The following SHISA6 variants were observed in gnomAD, a reference collection of about 807,000 sequenced individuals.
SHISA6 encodes protein shisa-6.
Under a neutral mutation model 47.9 loss-of-function variants are expected in SHISA6, and 22 were observed. That is an observed-to-expected ratio of 0.46 (90% confidence interval 0.33 to 0.66). The LOEUF is 0.66. Ranked by LOEUF, SHISA6 falls within the 30% of genes least tolerant of loss-of-function variation. The pLI, the probability that SHISA6 is intolerant of heterozygous loss-of-function variation, is 0.02. For synonymous variants in SHISA6, 388 were observed against 337.8 expected, an observed-to-expected ratio of 1.15 and a Z score of -1.63; for missense variants, 680 against 764.6, an observed-to-expected ratio of 0.89 and a Z score of 1.30.
At chr17:11,367,857 C>T (rs1444580775) in intron 2 of SHISA6, among the ~76,000 whole-genome samples, 4 of 152,114 alleles carry the variant, frequency 2.6e-5, no homozygotes, top group Admixed American at 2.6e-4. Context: ...AATAGTTTAG[C>T]CCCTCAAATT....
intron 3 of SHISA6, among the ~76,000 whole-genome samples, chr17:11,460,210 CAT>C (rs1915657699): frequency 6.6e-6 from 1 of 152,166 alleles, no homozygotes; most frequent in African/African-American, 2.4e-5. Context: ...TGAACTGCCA[CAT>C]GAGGGATTTT....
chr17:11,257,439 T>C (rs1393141166), intron 1 of SHISA6, among the ~76,000 whole-genome samples: 2 of 152,102 alleles, frequency 1.3e-5, no homozygotes, highest in Admixed American at 1.3e-4. Context: ...GGGAGGCAGA[T>C]TGCCTGAGTT....
chr17:11,463,298 C>T (rs146350042), intron 3 of SHISA6, among the ~76,000 whole-genome samples: 50 of 152,276 alleles, frequency 3.3e-4, no homozygotes, highest in East Asian at 3.3e-3. Flanking sequence ...ATATAGCCAG[C>T]GCTCAATAAA....
chr17:11,423,928 A>G (rs1597506231), intron 3 of SHISA6, among the ~76,000 whole-genome samples: 1 of 152,254 alleles, frequency 6.6e-6, no homozygotes, highest in East Asian at 1.9e-4. Context: ...CCCAAAGGAT[A>G]GATTAAGGAA....
intron 2 of SHISA6, among the ~76,000 whole-genome samples, chr17:11,311,495 C>T (rs969033260): frequency 2.6e-5 from 4 of 152,080 alleles, no homozygotes; most frequent in African/African-American, 4.8e-5. Context: ...AATACTAGTC[C>T]AATGAATTGG....
At chr17:11,257,326 G>A (rs1466759848) in intron 1 of SHISA6, among the ~76,000 whole-genome samples, 2 of 152,150 alleles carry the variant, frequency 1.3e-5, no homozygotes, top group Admixed American at 1.3e-4. Context: ...GTGAGATGAG[G>A]TTAAAGAGGA....
At chr17:11,367,184 A>T (rs141961946) in intron 2 of SHISA6, among the ~76,000 whole-genome samples, 66 of 152,304 alleles carry the variant, frequency 4.3e-4, no homozygotes, top group Middle Eastern at 6.8e-3. Context: ...AGAATAGAAC[A>T]TGTAAAGTCA....
chr17:11,454,894 G>T, intron 3 of SHISA6, among the ~76,000 whole-genome samples: 1 of 152,136 alleles, frequency 6.6e-6, no homozygotes, highest in East Asian at 1.9e-4. Flanking sequence ...AATGGGCTGG[G>T]CACGGTAGCT....
At chr17:11,549,848 C>T (rs1210105195) in intron 3 of SHISA6, among the ~76,000 whole-genome samples, 1 of 152,196 alleles carries the variant, frequency 6.6e-6, no homozygotes. Flanking sequence ...CTTCTTGCCT[C>T]TGGAGGACAA....
intron 3 of SHISA6, among the ~76,000 whole-genome samples, chr17:11,539,445 T>C (rs1408253979): frequency 6.6e-6 from 1 of 152,218 alleles, no homozygotes; most frequent in Non-Finnish European, 1.5e-5. Context: ...AACACACACA[T>C]AACCAAACAC....
At chr17:11,362,176 G>A (rs1912311831) in intron 2 of SHISA6, among the ~76,000 whole-genome samples, 1 of 152,054 alleles carries the variant, frequency 6.6e-6, no homozygotes. Context: ...GTCTCACTCT[G>A]TCACCCAGGC....
At chr17:11,449,443 T>C (rs952813866) in intron 3 of SHISA6, among the ~76,000 whole-genome samples, 2 of 151,000 alleles carry the variant, frequency 1.3e-5, no homozygotes, top group Admixed American at 6.6e-5. Flanking sequence ...ACTCCATCTC[T>C]ATTAAAAAAA....
rs145654248 is a variant in SHISA6, at chr17:11,334,359, C to T, written c.800-45055C>T. On this transcript the variant is annotated intron_variant, in intron 2 of 5. Transcript: ENST00000441885. Reference sequence around the variant, plus strand: ...AAATTCACCCAGTTGGTGTCAGAAGCGTTGTGAGTAAAAACAGCTTTTTGA... The same window carrying T: ...AAATTCACCCAGTTGGTGTCAGAAGTGTTGTGAGTAAAAACAGCTTTTTGA... 5.9e-5 allele frequency among the ~76,000 whole-genome samples: 9 copies of T among 152,260 alleles called. 1 individual carries two copies. The East Asian group carries it at 1.7e-3, about 29-fold the overall frequency.
At chr17:11,343,099 G>A (rs1911592172) in intron 2 of SHISA6, among the ~76,000 whole-genome samples, 2 of 152,178 alleles carry the variant, frequency 1.3e-5, no homozygotes, top group Non-Finnish European at 2.9e-5. Flanking sequence ...TCTCATTCCA[G>A]TTCCTTCTTT....
At chr17:11,454,539 T>C (rs1208888724) in intron 3 of SHISA6, among the ~76,000 whole-genome samples, 1 of 152,176 alleles carries the variant, frequency 6.6e-6, no homozygotes, top group African/African-American at 2.4e-5. Flanking sequence ...TTCCTCTTCA[T>C]TGTCCTGCAC....
At chr17:11,426,244 C>T (rs1328268394) in intron 3 of SHISA6, among the ~76,000 whole-genome samples, 1 of 152,170 alleles carries the variant, frequency 6.6e-6, no homozygotes, top group Non-Finnish European at 1.5e-5. Context: ...GCATTCTAAG[C>T]ATAGAAAGGG....
At chr17:11,322,905 T>G (rs1193072635) in intron 2 of SHISA6, among the ~76,000 whole-genome samples, 1 of 152,012 alleles carries the variant, frequency 6.6e-6, no homozygotes, top group Non-Finnish European at 1.5e-5. Context: ...AGGAGAAAAT[T>G]TTGAGATTTT....
At chr17:11,441,848 T>TA (rs1455972604) in intron 3 of SHISA6, among the ~76,000 whole-genome samples, 1 of 152,102 alleles carries the variant, frequency 6.6e-6, no homozygotes, top group Admixed American at 6.5e-5. Context: ...GCGAACTACT[T>TA]ATTTGAAACT....
intron 2 of SHISA6, among the ~76,000 whole-genome samples, chr17:11,340,155 C>A (rs565753129): frequency 7.9e-5 from 12 of 152,158 alleles, no homozygotes; most frequent in Non-Finnish European, 1.3e-4. Flanking sequence ...TAAGCTTGAG[C>A]ACCAATGAAC....
Sources: allele counts gnomAD v4.1 joint callset (sites outside exome capture counted in the v4.1 genomes callset), GRCh38; gene constraint gnomAD v4.1.1; transcripts MANE v1.5; gene names NCBI Gene and HGNC (gene_info 2026-07-23, HGNC 2026-07-21).